Variants in CCDC181 observed in about 807,000 individuals in gnomAD.
CCDC181 encodes coiled-coil domain containing 181.
CCDC181 carries 35 observed loss-of-function variants against 58.7 expected under a neutral mutation model. That is an observed-to-expected ratio of 0.60 (90% CI 0.46 to 0.79). The LOEUF (loss-of-function observed/expected upper bound fraction) is 0.79, where lower values mean the gene tolerates loss of function less well. CCDC181 is among the 30% of genes least tolerant of loss of function. The probability of loss-of-function intolerance (pLI) is 0.00; values close to 1 mark genes in which losing one functional copy is unlikely to be tolerated. For missense variants in CCDC181, 517 were observed against 583.9 expected (o/e 0.89, Z 1.18); for synonymous variants, 183 against 197.5 (o/e 0.93, Z 0.62).
At chr1:169,452,411 G>A (rs775007089) in intron 2 of CCDC181, 4 of 152,076 alleles carry the variant, frequency 2.6e-5, no homozygotes, top group Non-Finnish European at 5.9e-5. Context: ...AGAACAGAAA[G>A]TAGACAGCAG....
At chr1:169,420,720 C>T (rs1372017253) in intron 3 of CCDC181, among the ~76,000 whole-genome samples, 3 of 152,000 alleles carry the variant, frequency 2.0e-5, no homozygotes, top group African/African-American at 7.2e-5. Context: ...GGAGCACTGA[C>T]ATAAGTAATT....
intron 2 of CCDC181, among the ~76,000 whole-genome samples, chr1:169,439,744 C>T (rs566351613): frequency 1.2e-4 from 19 of 152,116 alleles, no homozygotes; most frequent in Non-Finnish European, 2.5e-4. Context: ...GTCACATGGA[C>T]TTAAAGGATG....
At chr1:169,453,663 C>T (rs1657608514) in intron 2 of CCDC181, among the ~76,000 whole-genome samples, 1 of 151,664 alleles carries the variant, frequency 6.6e-6, no homozygotes, top group Non-Finnish European at 1.5e-5. Context: ...TCTTTGCTCT[C>T]ATCCTTCCTC....
chr1:169,400,383 C>T (rs1655267829), intron 4 of CCDC181, among the ~76,000 whole-genome samples: 1 of 152,016 alleles, frequency 6.6e-6, no homozygotes, highest in African/African-American at 2.4e-5. Context: ...TAAAGGAAAA[C>T]AGTGTATTCT....
chr1:169,399,980 G>A (rs929623192), intron 4 of CCDC181, among the ~76,000 whole-genome samples: 10 of 152,206 alleles, frequency 6.6e-5, no homozygotes, highest in African/African-American at 1.9e-4. Flanking sequence ...AAGCAGTCAT[G>A]TGGAGGGATG....
chr1:169,458,973 A>C (rs1221169778), intron 2 of CCDC181, among the ~76,000 whole-genome samples: 1 of 152,086 alleles, frequency 6.6e-6, no homozygotes, highest in Non-Finnish European at 1.5e-5. Context: ...GAGGATAAAA[A>C]TCATGCATAT....
At chr1:169,451,511 A>C (rs182336400) in intron 2 of CCDC181, among the ~76,000 whole-genome samples, 7 of 152,270 alleles carry the variant, frequency 4.6e-5, no homozygotes, top group Non-Finnish European at 8.8e-5. Context: ...CTAACATGGC[A>C]GTAAACCAAA....
intron 4 of CCDC181, among the ~76,000 whole-genome samples, chr1:169,404,932 CCTT>C: frequency 6.6e-6 from 1 of 152,280 alleles, no homozygotes; most frequent in African/African-American, 2.4e-5. Context: ...CCCAAAATCT[CCTT>C]AAGCTGATAA....
intron 4 of CCDC181, among the ~76,000 whole-genome samples, chr1:169,411,530 T>A (rs899895685): frequency 1.3e-5 from 2 of 152,200 alleles, no homozygotes; most frequent in Non-Finnish European, 2.9e-5. Flanking sequence ...CCTACCTAAC[T>A]TATTTTATGA....
chr1:169,403,654 T>C (rs992698929), intron 4 of CCDC181, among the ~76,000 whole-genome samples: 32 of 152,190 alleles, frequency 2.1e-4, no homozygotes, highest in Admixed American at 1.1e-3. Flanking sequence ...GGGACACATT[T>C]AAAGCAGTGT....
chr1:169,451,113 T>C (rs924686577), intron 2 of CCDC181: 1 of 152,110 alleles, frequency 6.6e-6, no homozygotes, highest in African/African-American at 2.4e-5. Flanking sequence ...ATTACAGATG[T>C]GGAAGTCCAA....
chr1:169,404,775 C>A lies in CCDC181; in HGVS notation c.1216-7384G>T, dbSNP rs139492223. On this transcript the variant is annotated intron_variant, in intron 4 of 5. Transcript: ENST00000367806. ...AAGACAGGGATGCCCTCTCTCGCCA[C>A]TCCTATTCAACATAGTGTTGGAAGT... Among the ~76,000 whole-genome samples the A allele has an allele frequency of 5.9e-3, 902 of 152,304 alleles. 8 individuals carry two copies. Among genetic ancestry groups the A allele is most frequent in the African/African-American group, 0.021 (862 of 41,548 alleles).
At chr1:169,408,510 G>C (rs1235159502) in intron 4 of CCDC181, among the ~76,000 whole-genome samples, 2 of 152,226 alleles carry the variant, frequency 1.3e-5, no homozygotes, top group African/African-American at 4.8e-5. Flanking sequence ...GCTCTGAAGA[G>C]AGCAGCGGAT....
intron 4 of CCDC181, among the ~76,000 whole-genome samples, chr1:169,402,530 C>T (rs555420546): frequency 9.9e-5 from 15 of 152,174 alleles, no homozygotes; most frequent in Non-Finnish European, 1.8e-4. Flanking sequence ...GAATTTTCAA[C>T]CCAGAATTTC....
intron 2 of CCDC181, among the ~76,000 whole-genome samples, chr1:169,446,791 A>T (rs549464270): frequency 6.6e-6 from 1 of 152,350 alleles, no homozygotes; most frequent in African/African-American, 2.4e-5. Context: ...GAACTTGAAC[A>T]TCTGCAGATT....
chr1:169,424,632 C>A (rs564308972), intron 2 of CCDC181, among the ~76,000 whole-genome samples, 179 bp downstream of exon 2: 4 of 151,782 alleles, frequency 2.6e-5, no homozygotes, highest in Admixed American at 2.6e-4. Flanking sequence ...CCTTAGGATA[C>A]AACATTTAAG....
chr1:169,411,520 C>A (rs779183287), intron 4 of CCDC181, among the ~76,000 whole-genome samples: 1 of 152,080 alleles, frequency 6.6e-6, no homozygotes, highest in Non-Finnish European at 1.5e-5. Context: ...AAGAGGGACT[C>A]CTACCTAACT....
rs77472527 is a variant in CCDC181 at position 169,452,039 on chromosome 1, A to T, written c.-24+7758T>A. Among the ~76,000 whole-genome samples, 1,117 of 152,210 alleles carry T rather than the reference A, an allele frequency of 7.3e-3. 11 individuals carry two copies. The highest frequency in any genetic ancestry group is 0.025 in the African/African-American group (1,047 of 41,538). On this transcript the variant is annotated intron_variant, in intron 2 of 6. Transcript: ENST00000545005. ...CTAGATATATATAAATTTGAAAGTG[A>T]TCAGCGTAGACATGGTTCATAAAGC... is the stretch of plus-strand genomic sequence containing the variant.
chr1:169,429,265 A>G (rs1656837837), upstream of CCDC181, among the ~76,000 whole-genome samples: 1 of 152,184 alleles, frequency 6.6e-6, no homozygotes, highest in Admixed American at 6.5e-5. Context: ...TGCGATAAAC[A>G]TGTGCAAGTG....
Sources: gnomAD v4.1 joint callset for allele counts (sites outside exome capture counted in the v4.1 genomes callset) on GRCh38, gnomAD v4.1.1 for gene constraint, MANE v1.5 for transcripts, NCBI Gene and HGNC (gene_info 2026-07-23, HGNC 2026-07-21) for gene names.